The following EPHB1 variants were observed in gnomAD, a reference collection of about 807,000 sequenced individuals.
EPHB1 encodes ephrin type-B receptor 1.
Under a neutral mutation model 94.4 loss-of-function variants are expected in EPHB1, and 30 were observed. The observed-to-expected ratio is 0.32, with a 90% confidence interval of 0.24 to 0.43. The LOEUF (loss-of-function observed/expected upper bound fraction) is 0.43, where lower values mean the gene tolerates loss of function less well. EPHB1 is among the 20% of genes least tolerant of loss of function. The pLI, the probability that EPHB1 is intolerant of heterozygous loss-of-function variation, is 1.00. For synonymous variants in EPHB1, 522 were observed against 489.1 expected, an observed-to-expected ratio of 1.07 and a Z score of -0.89; for missense variants, 1,055 against 1,308.3, an observed-to-expected ratio of 0.81 and a Z score of 2.99.
intron 1 of EPHB1, among the ~76,000 whole-genome samples, chr3:134,835,367 A>T (rs1308771626): frequency 6.6e-6 from 1 of 152,176 alleles, no homozygotes; most frequent in Non-Finnish European, 1.5e-5. Context: ...ATTCCAGCCC[A>T]CGTGATTGCT....
At chr3:134,974,212 G>A (rs896952268) in intron 3 of EPHB1, among the ~76,000 whole-genome samples, 10 of 152,108 alleles carry the variant, frequency 6.6e-5, no homozygotes, top group South Asian at 6.3e-4. Context: ...GGATGCACGC[G>A]TGCGCACACA....
rs1426484610 is a variant in EPHB1 at position 134,951,413 on chromosome 3, C to T, written c.166C>T (p.Arg56Cys). 3.8e-6 allele frequency: 6 copies of T among 1,596,720 alleles called. No homozygotes were observed. The highest frequency in any genetic ancestry group is 1.1e-5 in the South Asian group (1 of 87,676). The change falls in exon 3 of 16, where the codon CGC becomes TGC. Residue 56 changes from arginine to cysteine, a missense_variant. Arg to Cys is a radical substitution (Grantham distance 180). Coordinates refer to ENST00000398015, the MANE Select transcript of EPHB1 (RefSeq NM_004441.5). This position sits in a 1 kb window ranked among gnomAD's most constrained non-coding sequence, Gnocchi z 4.5. ...SGYDENLNTI[R>C]TYQVCNVFEP... ...CTACGATGAAAACCTGAACACCATC[C>T]GCACCTACCAGGTGTGCAATGTCTT...
intron 3 of EPHB1, among the ~76,000 whole-genome samples, chr3:134,964,176 A>T (rs892020161): frequency 6.6e-6 from 1 of 152,202 alleles, no homozygotes; most frequent in Admixed American, 6.5e-5. Context: ...TAGGATGTAT[A>T]AGAAAATATC....
chr3:135,220,831 C>G (rs1943264512), intron 12 of EPHB1, among the ~76,000 whole-genome samples: 1 of 152,206 alleles, frequency 6.6e-6, no homozygotes, highest in Non-Finnish European at 1.5e-5. Flanking sequence ...ATACTCACAA[C>G]TTGCTACTCC....
At chr3:134,973,593 A>G (rs1934069597) in intron 3 of EPHB1, among the ~76,000 whole-genome samples, 1 of 151,896 alleles carries the variant, frequency 6.6e-6, no homozygotes, top group Admixed American at 6.6e-5. Context: ...CACCATGCCC[A>G]GCTAATTTTT....
At chr3:135,177,267 A>T (rs1942006873) in intron 9 of EPHB1, among the ~76,000 whole-genome samples, 1 of 152,156 alleles carries the variant, frequency 6.6e-6, no homozygotes, top group Non-Finnish European at 1.5e-5. Context: ...TGGGCTGTTT[A>T]CGTCCTCTCA....
chr3:134,923,436 G>C (rs938657938), intron 1 of EPHB1, among the ~76,000 whole-genome samples: 18 of 152,150 alleles, frequency 1.2e-4, no homozygotes, highest in Non-Finnish European at 1.8e-4. Flanking sequence ...ATCCCATGCA[G>C]GTCACCACTG....
intron 1 of EPHB1, among the ~76,000 whole-genome samples, chr3:134,797,181 G>A (rs1042344973): frequency 1.8e-4 from 28 of 152,174 alleles, no homozygotes; most frequent in African/African-American, 6.5e-4. Context: ...CTTCCCTCAG[G>A]GACTGCTGGG....
At chr3:135,074,969 G>A (rs1413166262) in intron 3 of EPHB1, among the ~76,000 whole-genome samples, 7 of 152,176 alleles carry the variant, frequency 4.6e-5, no homozygotes, top group African/African-American at 7.2e-5. Flanking sequence ...ACCCCTCGCT[G>A]TAATACACCT....
intron 4 of EPHB1, among the ~76,000 whole-genome samples, chr3:135,119,374 T>C (rs1383176363): frequency 6.6e-6 from 1 of 152,228 alleles, no homozygotes; most frequent in Non-Finnish European, 1.5e-5. Context: ...CTTGAGCTTT[T>C]GACTACATTT....
intron 1 of EPHB1, chr3:134,796,494 T>G (rs3732568): frequency 0.71 from 108,294 of 152,236 alleles, 43,449 homozygotes; most frequent in East Asian, 0.9. Context: ...CTCTGCCAGC[T>G]CAGACTTGGC....
chr3:134,938,070 C>T (rs932762199), intron 2 of EPHB1, among the ~76,000 whole-genome samples: 1 of 152,116 alleles, frequency 6.6e-6, no homozygotes, highest in Non-Finnish European at 1.5e-5. Flanking sequence ...TTAAATACCC[C>T]AGCTGGAGGT....
At chr3:135,095,657 A>G (rs1276108067) in intron 3 of EPHB1, among the ~76,000 whole-genome samples, 1 of 151,940 alleles carries the variant, frequency 6.6e-6, no homozygotes, top group Non-Finnish European at 1.5e-5. Flanking sequence ...CAGCCTCCTC[A>G]CTTGCCTATG....
intron 9 of EPHB1, among the ~76,000 whole-genome samples, chr3:135,175,739 T>C (rs1941960939): frequency 6.6e-6 from 1 of 152,208 alleles, no homozygotes; most frequent in Non-Finnish European, 1.5e-5. Flanking sequence ...TAAAATGCTT[T>C]ACATTATAGG....
At position 135,183,186 on chromosome 3, in the gene EPHB1, T is replaced by C. The variant is rs1475787167; in HGVS notation, c.1882+3204T>C. 4.1e-5 allele frequency among the ~76,000 whole-genome samples: 6 copies of C among 145,326 alleles called. No individual in the cohort carries two copies. The South Asian group carries it at 9.0e-4, about 22-fold the overall frequency. On this transcript the variant is annotated intron_variant, in intron 10 of 15. Transcript: ENST00000398015. ...ACAAATCATGAGCCCCTTCTTTCCT[T>C]CCTCCCTTCCTTCCTCCCTCCCTCC... is the stretch of plus-strand genomic sequence containing the variant.
At chr3:135,131,848 A>G (rs1320930565) in intron 4 of EPHB1, among the ~76,000 whole-genome samples, 1 of 152,188 alleles carries the variant, frequency 6.6e-6, no homozygotes, top group Non-Finnish European at 1.5e-5. Context: ...GAGCAGGGCT[A>G]TAGTTGAGAA....
At chr3:134,930,543 C>A (rs2038886564) in intron 2 of EPHB1, among the ~76,000 whole-genome samples, 1 of 152,212 alleles carries the variant, frequency 6.6e-6, no homozygotes, top group Non-Finnish European at 1.5e-5. Context: ...TAGCCCTGGC[C>A]TGAAAGACTC....
chr3:134,849,278 A>G (rs955426377), intron 1 of EPHB1, among the ~76,000 whole-genome samples: 1 of 152,208 alleles, frequency 6.6e-6, no homozygotes, highest in African/African-American at 2.4e-5. Context: ...CAGCATTCTG[A>G]ACAAGTTCCC....
intron 3 of EPHB1, among the ~76,000 whole-genome samples, chr3:135,000,644 T>C (rs1935143362): frequency 6.6e-6 from 1 of 152,222 alleles, no homozygotes; most frequent in Admixed American, 6.5e-5. Flanking sequence ...GGGGTTGGCA[T>C]TGTTACAAAA....
Sources: gnomAD v4.1 joint callset for allele counts (sites outside exome capture counted in the v4.1 genomes callset) on GRCh38, gnomAD v4.1.1 for gene constraint, Gnocchi (gnomAD v3.1) non-coding constraint, MANE v1.5 for transcripts, NCBI Gene and HGNC (gene_info 2026-07-23, HGNC 2026-07-21) for gene names.